BRWD1: variants seen among roughly 807,000 people sequenced by gnomAD.
The protein encoded by BRWD1 is bromodomain and WD repeat-containing protein 1.
In BRWD1, 82 loss-of-function variants were observed where a neutral mutation model predicts 251.2. The observed-to-expected ratio is 0.33, with a 90% CI of 0.27 to 0.39. The LOEUF (loss-of-function observed/expected upper bound fraction) is 0.39, where lower values mean the gene tolerates loss of function less well. Ranked by LOEUF, BRWD1 falls within the 10% of genes least tolerant of loss-of-function variation. The probability of loss-of-function intolerance (pLI) is 1.00; values close to 1 mark genes in which losing one functional copy is unlikely to be tolerated. For missense variants in BRWD1, 2,233 were observed against 2,711.6 expected, an observed-to-expected ratio of 0.82 and a Z score of 3.92; for synonymous variants, 918 against 902.8, an observed-to-expected ratio of 1.02 and a Z score of -0.30.
chr21:39,302,068 C>T (rs994758553), intron 4 of BRWD1, among the ~76,000 whole-genome samples: 3 of 149,948 alleles, frequency 2.0e-5, no homozygotes, highest in African/African-American at 7.4e-5. Context: ...ACTGCAACCT[C>T]CACCTCCCAG....
At chr21:39,317,252 T>G, upstream of BRWD1, 1 of 152,230 alleles carries the variant, frequency 6.6e-6, no homozygotes, top group Non-Finnish European at 1.5e-5. Context: ...TCCCAGCCAT[T>G]CCATATGTAC....
rs2031564976 is a variant in BRWD1 at position 39,191,721 on chromosome 21, A to G, written c.*4538T>C. On this transcript the variant is annotated 3_prime_UTR_variant, in exon 41 of 41. Transcript: ENST00000342449. ...TTTTTAAAATGATTTACCTTGTAAA[A>G]CAAAGGGGTAGAGCTGCTACAGTCC... The G allele has an allele frequency of 1.0e-6, 1 of 985,212 alleles. No homozygotes were observed. The highest frequency in any genetic ancestry group is 6.2e-5 in the Admixed American group (1 of 16,250). 61.0% of individuals were successfully genotyped at this position (985,212 alleles called of 1,614,324 possible). A position where few individuals can be genotyped will look rare whatever the true frequency, so the allele number is the denominator to read the frequency against.
chr21:39,268,491 T>C (rs1459660032), intron 15 of BRWD1, among the ~76,000 whole-genome samples: 1 of 108,468 alleles, frequency 9.2e-6, no homozygotes, highest in East Asian at 2.4e-4. Flanking sequence ...CAAATAAATA[T>C]CATGTGCCTC....
Position 39,269,967 on chromosome 21 carries a change from C to A in BRWD1, c.1462G>T (p.Gly488Ter). Residue 488 changes from glycine (G) to a stop codon, truncating the protein, a stop_gained, in exon 15 of 41, where the codon GGA becomes TGA. Transcript: ENST00000342449. LOFTEE classifies it high-confidence loss of function. ...PFDSRIMLSA[G>*]HDGSIFIWDI... ...CATATAAATATGCTGCCATCATGTCCTGCAGATAACATAATTCTGGAATCA... is the reference window on the plus strand; with the variant it reads ...CATATAAATATGCTGCCATCATGTCATGCAGATAACATAATTCTGGAATCA... 1 of 1,591,014 alleles carries A rather than the reference C, an allele frequency of 6.3e-7. No individual in the cohort carries two copies. The highest frequency in any genetic ancestry group is 1.1e-5 in the South Asian group (1 of 87,198).
intron 32 of BRWD1, among the ~76,000 whole-genome samples, chr21:39,213,986 AC>A (rs2032776298): frequency 1.3e-5 from 2 of 151,930 alleles, no homozygotes; most frequent in South Asian, 4.1e-4. Flanking sequence ...TACTGTACAC[AC>A]AGGAGAAAAA....
chr21:39,184,823 TTTTAAAAC>T (rs1272816757), downstream of BRWD1: 1 of 152,144 alleles, frequency 6.6e-6, no homozygotes, highest in African/African-American at 2.4e-5. Context: ...CACAATGATG[TTTTAAAAC>T]ATTAGGACTC....
intron 5 of BRWD1, chr21:39,298,183 A>C (rs2036008866): frequency 1.2e-5 from 14 of 1,134,270 alleles, no homozygotes; most frequent in Non-Finnish European, 1.5e-5. Context: ...CTCAAACAAC[A>C]TCTCAGAATA....
chr21:39,218,116 G>C, intron 31 of BRWD1, 36 bp downstream of exon 31: 1 of 1,565,814 alleles, frequency 6.4e-7, no homozygotes, highest in Middle Eastern at 1.7e-4. Flanking sequence ...GCCAAATATA[G>C]CTTTTTAAAC....
At chr21:39,274,333 G>A (rs764651209) in intron 13 of BRWD1, 41 bp downstream of exon 13, 57 of 1,433,766 alleles carry the variant, frequency 4.0e-5, no homozygotes, top group Admixed American at 1.0e-4. Context: ...GAGACAGATC[G>A]AACACCTATG....
intron 21 of BRWD1, among the ~76,000 whole-genome samples, chr21:39,241,473 T>TAAAAAAAAAAAAAAAAAAAAAA (rs61488970): frequency 8.9e-5 from 4 of 44,918 alleles, no homozygotes; most frequent in Non-Finnish European, 1.2e-4. Context: ...ATCTCCAAAG[T>TAAAAAAAAAAAAAAAAAAAAAA]AAAAAAAAAA....
chr21:39,282,959 CAAAAA>C (rs71269097), intron 8 of BRWD1, among the ~76,000 whole-genome samples: 1 of 88,916 alleles, frequency 1.1e-5, no homozygotes. Context: ...AACTCCGTCA[CAAAAA>C]AAAAAAAAAA....
At chr21:39,253,909 T>C (rs1206097186) in intron 19 of BRWD1, among the ~76,000 whole-genome samples, 1 of 152,180 alleles carries the variant, frequency 6.6e-6, no homozygotes, top group Non-Finnish European at 1.5e-5. Flanking sequence ...ACTGCCCATA[T>C]TATAATTACA....
intron 27 of BRWD1, among the ~76,000 whole-genome samples, chr21:39,226,426 T>A (rs1338034443): frequency 2.6e-5 from 4 of 152,076 alleles, no homozygotes; most frequent in African/African-American, 9.7e-5. Flanking sequence ...ACCACAAAAA[T>A]AAAACAAAAA....
chr21:39,269,524 AAT>A (rs2035035658), intron 15 of BRWD1, among the ~76,000 whole-genome samples: 1 of 152,128 alleles, frequency 6.6e-6, no homozygotes, highest in Non-Finnish European at 1.5e-5. Flanking sequence ...GAATATTAAT[AAT>A]GTCATTTTAT....
chr21:39,270,095 A>G lies in BRWD1; in HGVS notation c.1396-62T>C, dbSNP rs148094780. Reference sequence around the variant, plus strand: ...ACAAGTTACAAATTGAAAATTTAAAAATACATACTGTTACAGCATATACTT... The same window carrying G: ...ACAAGTTACAAATTGAAAATTTAAAGATACATACTGTTACAGCATATACTT... On this transcript the variant is annotated intron_variant, in intron 14 of 40. Transcript: ENST00000342449. The G allele has an allele frequency of 5.3e-4, 740 of 1,390,182 alleles. 2 individuals carry two copies. The African/African-American group carries it at 9.9e-3, about 19-fold the overall frequency. 86.1% of individuals were successfully genotyped at this position (1,390,182 alleles called of 1,614,324 possible). A position where few individuals can be genotyped will look rare whatever the true frequency, so the allele number is the denominator to read the frequency against.
Position 39,188,074 on chromosome 21 carries a change from G to T in BRWD1, c.*8185C>A. The T allele has an allele frequency of 4.1e-6, 4 of 985,386 alleles. No homozygotes were observed. Among genetic ancestry groups the T allele is most frequent in the Non-Finnish European group, 4.8e-6 (4 of 829,914 alleles). 61.0% of individuals were successfully genotyped at this position (985,386 alleles called of 1,614,324 possible). On this transcript the variant is annotated 3_prime_UTR_variant, in exon 41 of 41. Coordinates refer to ENST00000342449, the MANE Select transcript of BRWD1 (RefSeq NM_033656.4). ...CACATGATGCCAGAGCTACTACTCC[G>T]TGCTGACCAAACTTAGGAGGGCTCA...
chr21:39,223,231 T>C (rs1039445481), intron 29 of BRWD1, among the ~76,000 whole-genome samples: 14 of 152,330 alleles, frequency 9.2e-5, no homozygotes, highest in Middle Eastern at 3.4e-3. Flanking sequence ...AAGGGAAATA[T>C]AGGTATTCAG....
At chr21:39,313,880 G>A, upstream of BRWD1, 1 of 327,360 alleles carries the variant, frequency 3.1e-6, no homozygotes, top group East Asian at 1.1e-4. Flanking sequence ...TGCGCGCAAT[G>A]AGGCGGCTGC....
chr21:39,279,181 A>G (rs750982632), intron 9 of BRWD1, among the ~76,000 whole-genome samples: 4 of 152,246 alleles, frequency 2.6e-5, no homozygotes, highest in Non-Finnish European at 4.4e-5. Context: ...CAATAAAATT[A>G]TAAGATACTT....
Sources: allele counts gnomAD v4.1 joint callset (sites outside exome capture counted in the v4.1 genomes callset), GRCh38; gene constraint gnomAD v4.1.1; transcripts MANE v1.5; gene names NCBI Gene and HGNC (gene_info 2026-07-23, HGNC 2026-07-21).